NRG1: variants seen among roughly 807,000 people sequenced by gnomAD.
NRG1 encodes the protein pro-neuregulin-1, membrane-bound isoform.
NRG1 carries 18 observed loss-of-function variants against 63.8 expected under a neutral mutation model. That is an observed-to-expected ratio of 0.28 (90% CI 0.19 to 0.42). The LOEUF is 0.42. Among genes scored for constraint, NRG1 ranks in the 10% least tolerant of loss-of-function variants. The pLI is 1.00. For synonymous variants in NRG1, 302 were observed against 301.3 expected, an observed-to-expected ratio of 1.00 and a Z score of -0.02; for missense variants, 762 against 814.7, an observed-to-expected ratio of 0.94 and a Z score of 0.79.
At chr8:32,457,525 A>G (rs1821750365) in intron 1 of NRG1, among the ~76,000 whole-genome samples, 1 of 152,232 alleles carries the variant, frequency 6.6e-6, no homozygotes, top group Non-Finnish European at 1.5e-5. Flanking sequence ...AAAAGGAAAT[A>G]GAAATCCCTA....
At chr8:32,057,323 T>G (rs1366523649) in intron 1 of NRG1, among the ~76,000 whole-genome samples, 1 of 152,168 alleles carries the variant, frequency 6.6e-6, no homozygotes, top group Non-Finnish European at 1.5e-5. Context: ...TCCCATTTAT[T>G]TATTTTGCAT....
upstream of NRG1, among the ~76,000 whole-genome samples, chr8:32,545,326 A>C (rs1832966909): frequency 6.6e-6 from 1 of 152,158 alleles, no homozygotes; most frequent in Non-Finnish European, 1.5e-5. Context: ...TATTTTTTAA[A>C]ATCTGTACTC....
At chr8:31,882,329 TAAAAAAAAA>T (rs745615085) in intron 1 of NRG1, among the ~76,000 whole-genome samples, 2 of 79,820 alleles carry the variant, frequency 2.5e-5, no homozygotes, top group African/African-American at 4.9e-5. Flanking sequence ...GCTCAAAAAC[TAAAAAAAAA>T]AAAAAAAAAA....
intron 1 of NRG1, among the ~76,000 whole-genome samples, chr8:31,928,134 T>C (rs1468359186): frequency 3.3e-5 from 5 of 151,512 alleles, no homozygotes; most frequent in Non-Finnish European, 7.4e-5. Flanking sequence ...TATGGTTGTG[T>C]GACAAAAAGC....
chr8:32,211,204 A>G (rs1047914534), intron 1 of NRG1, among the ~76,000 whole-genome samples: 3 of 152,186 alleles, frequency 2.0e-5, no homozygotes, highest in East Asian at 1.9e-4. Context: ...TTTTTTCTAT[A>G]TACACAGTAT....
At chr8:31,866,552 A>G (rs1178709458) in intron 1 of NRG1, among the ~76,000 whole-genome samples, 2 of 152,168 alleles carry the variant, frequency 1.3e-5, no homozygotes, top group African/African-American at 2.4e-5. Context: ...TCCAAATGCT[A>G]TTTATTTCCC....
chr8:32,543,719 T>C (rs1554576952), upstream of NRG1, among the ~76,000 whole-genome samples: 2 of 152,176 alleles, frequency 1.3e-5, no homozygotes, highest in Admixed American at 6.5e-5. Flanking sequence ...AACATAAACA[T>C]AGATTTGATT....
chr8:32,312,309 G>A (rs560562876), intron 1 of NRG1, among the ~76,000 whole-genome samples: 30 of 145,148 alleles, frequency 2.1e-4, no homozygotes, highest in Admixed American at 1.5e-3. Flanking sequence ...GACTACAGGC[G>A]CAAGCCACCA....
intron 1 of NRG1, among the ~76,000 whole-genome samples, chr8:31,685,612 G>T (rs530440246): frequency 1.9e-4 from 29 of 152,086 alleles, no homozygotes; most frequent in African/African-American, 6.5e-4. Flanking sequence ...TTTAGGACAT[G>T]TTCATTATCC....
At chr8:32,391,485 C>T (rs192252821) in intron 1 of NRG1, among the ~76,000 whole-genome samples, 42 of 152,196 alleles carry the variant, frequency 2.8e-4, no homozygotes, top group African/African-American at 9.9e-4. Flanking sequence ...GTACCCAATA[C>T]TTACTTTTTC....
chr8:32,747,757 T>TAC (rs1554662238), intron 7 of NRG1, among the ~76,000 whole-genome samples: 1 of 147,940 alleles, frequency 6.8e-6, no homozygotes, highest in East Asian at 2.0e-4. Flanking sequence ...TATATATATA[T>TAC]ACTTTAAAAA....
Position 32,512,316 on chromosome 8 carries a change from T to C in NRG1, c.38-83512T>C, listed in dbSNP as rs148637947. ...AAGGCTTTGACATCAGCTATATAAT[T>C]TAGCCATTTGGCAATATTAATCATA... On this transcript the variant is annotated intron_variant, in intron 1 of 10. Transcript: ENST00000519301. Among the ~76,000 whole-genome samples the C allele has an allele frequency of 1.1e-4, 17 of 152,376 alleles. No individual in the cohort carries two copies. The East Asian group carries it at 2.9e-3, about 26-fold the overall frequency.
chr8:32,022,624 A>C (rs116076530), intron 1 of NRG1, among the ~76,000 whole-genome samples: 3,833 of 152,262 alleles, frequency 0.025, 49 homozygotes, highest in African/African-American at 0.043. Flanking sequence ...GTTTATCTGA[A>C]ATTTTATTGA....
chr8:32,594,142 A>G (rs955888864), intron 1 of NRG1, among the ~76,000 whole-genome samples: 2 of 152,198 alleles, frequency 1.3e-5, no homozygotes, highest in Non-Finnish European at 2.9e-5. Flanking sequence ...GCAGAATCGT[A>G]GAAAAACAAA....
exon 12 of NRG1, chr8:32,767,559 T>C (rs1429642979): frequency 2.0e-5 from 3 of 152,230 alleles, no homozygotes; most frequent in African/African-American, 7.2e-5. Flanking sequence ...TATCATTTAC[T>C]GTCTTTTTGA....
At chr8:32,701,884 A>G (rs1814986427) in intron 5 of NRG1, among the ~76,000 whole-genome samples, 1 of 152,204 alleles carries the variant, frequency 6.6e-6, no homozygotes, top group African/African-American at 2.4e-5. Flanking sequence ...TACATTTGAA[A>G]GTCCATAAAC....
chr8:32,465,709 G>A (rs1481522149), intron 1 of NRG1, among the ~76,000 whole-genome samples: 1 of 151,754 alleles, frequency 6.6e-6, no homozygotes, highest in Non-Finnish European at 1.5e-5. Context: ...TTTATACAAA[G>A]CATTTTCTGA....
intron 1 of NRG1, among the ~76,000 whole-genome samples, chr8:32,492,054 G>A (rs182720020): frequency 1.9e-3 from 282 of 151,684 alleles, no homozygotes; most frequent in Admixed American, 3.9e-3. Context: ...TATAATCCCC[G>A]TAATTATTTC....
chr8:32,614,696 T>C, intron 4 of NRG1, 132 bp downstream of exon 4: 2 of 807,964 alleles, frequency 2.5e-6, no homozygotes, highest in African/African-American at 1.7e-5. Context: ...TTCAATATTT[T>C]TCTCAACCTT....
Sources: gnomAD v4.1 joint callset for allele counts (sites outside exome capture counted in the v4.1 genomes callset) on GRCh38, gnomAD v4.1.1 for gene constraint, MANE v1.5 for transcripts, NCBI Gene and HGNC (gene_info 2026-07-23, HGNC 2026-07-21) for gene names.